COL4A1: variants seen among roughly 807,000 people sequenced by gnomAD.
COL4A1 encodes collagen alpha-1(IV) chain.
COL4A1 carries 40 observed loss-of-function variants against 216.6 expected under a neutral mutation model. The ratio of observed to expected loss-of-function variants is 0.18; its 90% CI spans 0.14 to 0.24. The LOEUF (loss-of-function observed/expected upper bound fraction) is 0.24. Ranked by LOEUF, COL4A1 falls within the 10% of genes least tolerant of loss-of-function variation. The pLI, the probability that COL4A1 is intolerant of heterozygous loss-of-function variation, is 1.00. For synonymous variants in COL4A1, 839 were observed against 810.7 expected, an observed-to-expected ratio of 1.03 and a Z score of -0.59; for missense variants, 1,628 against 2,196.8, an observed-to-expected ratio of 0.74 and a Z score of 5.18.
chr13:110,226,207 A>AT (rs1252062519), intron 2 of COL4A1, among the ~76,000 whole-genome samples: 1 of 152,210 alleles, frequency 6.6e-6, no homozygotes, highest in Admixed American at 6.5e-5. Context: ...TTTCTTGAGT[A>AT]TTTAAAAAAG....
At chr13:110,262,793 G>A (rs1271752024) in intron 1 of COL4A1, among the ~76,000 whole-genome samples, 4 of 152,190 alleles carry the variant, frequency 2.6e-5, no homozygotes, top group Non-Finnish European at 5.9e-5. Flanking sequence ...ACTTCGATGT[G>A]TTCCCCAATG....
In COL4A1 at chr13:110,176,620, C is replaced by A. The variant is rs760570181; in HGVS notation, c.2968+6G>T. 1 of 1,613,248 alleles carries A rather than the reference C, an allele frequency of 6.2e-7. No individual in the cohort carries two copies. The highest frequency in any genetic ancestry group is 2.2e-5 in the East Asian group (1 of 44,868). On this transcript the variant is annotated splice_donor_region_variant and intron_variant, in intron 35 of 51. Coordinates refer to ENST00000375820, the MANE Select transcript of COL4A1 (RefSeq NM_001845.6). ...CCACACTGGGGACCGGAGCTCCACACTGTACCTGGCTGCCCAGGCTGTCCT... is the reference window on the plus strand; with the variant it reads ...CCACACTGGGGACCGGAGCTCCACAATGTACCTGGCTGCCCAGGCTGTCCT...
chr13:110,241,902 T>C (rs56366911), intron 2 of COL4A1, among the ~76,000 whole-genome samples: 31,885 of 151,988 alleles, frequency 0.21, 3,723 homozygotes, highest in African/African-American at 0.3. Context: ...TCCTACAGAG[T>C]ATCCACTCCA....
At position 110,195,078 on chromosome 13, in the gene COL4A1, C is replaced by G. The variant is rs764944319; in HGVS notation, c.1326G>C (p.Gln442His). The G allele has an allele frequency of 1.9e-5, 30 of 1,614,162 alleles. No individual in the cohort carries two copies. The highest frequency in any genetic ancestry group is 2.5e-5 in the Non-Finnish European group (29 of 1,180,022). ...VECQPGPPGD[Q>H]GPPGIPGQPG... ...GCTGCCCTGGAATTCCAGGAGGACC[C>G]TGGTCACCTGGAGGTCCGGGCTGAC... Residue 442 changes from glutamine to histidine, a missense_variant, in exon 22 of 52, where the codon CAG (glutamine) becomes CAC (histidine). Around this residue, in one of 8 missense-constraint regions of COL4A1, gnomAD observed 701 missense variants for 892.5 expected, o/e 0.79. Coordinates refer to ENST00000375820, the MANE Select transcript of COL4A1 (RefSeq NM_001845.6).
chr13:110,217,027 G>A lies in COL4A1; in HGVS notation c.145-3012C>T, dbSNP rs576074268. Reference sequence around the variant, plus strand: ...GAAATGAAGGAGCTAAGAAGGAAGTGACTCCTCCATGGACATGGTTCTTGC... The same window carrying A: ...GAAATGAAGGAGCTAAGAAGGAAGTAACTCCTCCATGGACATGGTTCTTGC... On this transcript the variant is annotated intron_variant, in intron 2 of 51. Coordinates refer to ENST00000375820, the MANE Select transcript of COL4A1 (RefSeq NM_001845.6). 2.7e-4 allele frequency among the ~76,000 whole-genome samples: 41 copies of A among 152,294 alleles called. 1 individual carries two copies. Among genetic ancestry groups the A allele is most frequent in the Admixed American group, 2.4e-3 (37 of 15,292 alleles).
At chr13:110,281,879 A>C (rs1883646398) in intron 1 of COL4A1, among the ~76,000 whole-genome samples, 1 of 152,188 alleles carries the variant, frequency 6.6e-6, no homozygotes, top group Admixed American at 6.5e-5. Context: ...TTTCTGCAAA[A>C]GGCCCTGACA....
Position 110,222,778 on chromosome 13 carries a change from A to AG in COL4A1, c.145-8764_145-8763insC, listed in dbSNP as rs1300847259. ...ACAGAGCCAGACTCTGCTTTAAAAA[A>AG]AAAAAAAAAAAAAAAAAAAAGAATT... On this transcript the variant is annotated intron_variant, in intron 2 of 51. Coordinates refer to ENST00000375820, the MANE Select transcript of COL4A1 (RefSeq NM_001845.6). Among the ~76,000 whole-genome samples the AG allele has an allele frequency of 5.1e-5, 4 of 78,788 alleles. 1 individual carries two copies. The highest frequency in any genetic ancestry group is 1.1e-4 in the Non-Finnish European group (4 of 35,696). 51.7% of individuals were successfully genotyped at this position (78,788 alleles called of 152,430 possible). A position where few individuals can be genotyped will look rare whatever the true frequency, so the allele number is the denominator to read the frequency against.
chr13:110,210,004 C>T lies in COL4A1; in HGVS notation c.591G>A (p.Gly197=), dbSNP rs962794235. 3.1e-6 allele frequency: 5 copies of T among 1,614,152 alleles called. No individual in the cohort carries two copies. The Admixed American group carries it at 5.0e-5, about 16-fold the overall frequency. ...CTGGTGGTCCGGTAAATCCTGGAGG[C>T]CCAACAGGACCTTGAAGCCCTGGCA... ...PGLPGLQGPV[G]PPGFTGPPGP... is the part of the protein sequence containing the mutation. The change falls in exon 10 of 52, where the codon GGG becomes GGA. Residue 197 remains glycine, a synonymous_variant. Coordinates refer to ENST00000375820, the MANE Select transcript of COL4A1 (RefSeq NM_001845.6).
chr13:110,193,990 G>A (rs191186877), intron 22 of COL4A1, among the ~76,000 whole-genome samples: 53 of 152,284 alleles, frequency 3.5e-4, no homozygotes, highest in Non-Finnish European at 5.9e-5. Flanking sequence ...GAAGACAGAT[G>A]CTTCTCCTAG....
rs185711803 is a variant in COL4A1 at position 110,212,171 on chromosome 13, T to C, written c.387+246A>G. On this transcript the variant is annotated intron_variant, in intron 6 of 51. Transcript: ENST00000375820. Reference sequence around the variant, plus strand: ...TGATGTAGTAAATGATTATAGGTAATAACTTTCGTGCTTAAATGCAATTTT... The same window carrying C: ...TGATGTAGTAAATGATTATAGGTAACAACTTTCGTGCTTAAATGCAATTTT... Among the ~76,000 whole-genome samples the C allele has an allele frequency of 4.1e-3, 624 of 152,344 alleles. 1 individual carries two copies. Among genetic ancestry groups the C allele is most frequent in the South Asian group, 0.035 (167 of 4,824 alleles).
rs778888804 is a variant in COL4A1 at position 110,166,229 on chromosome 13, T to C, written c.4021+3A>G. The C allele has an allele frequency of 1.9e-6, 3 of 1,588,312 alleles. No homozygotes were observed. Among genetic ancestry groups the C allele is most frequent in the Non-Finnish European group, 2.6e-6 (3 of 1,156,328 alleles). On this transcript the variant is annotated splice_donor_region_variant and intron_variant, in intron 45 of 51. Coordinates refer to ENST00000375820, the MANE Select transcript of COL4A1 (RefSeq NM_001845.6). ...GTGTCCACAGATCAACAAACTCTCC[T>C]ACCTTTAGCTCCCGGGACGCCTTGA...
chr13:110,258,260 C>T (rs914619671), intron 1 of COL4A1, among the ~76,000 whole-genome samples: 1 of 152,180 alleles, frequency 6.6e-6, no homozygotes, highest in African/African-American at 2.4e-5. Flanking sequence ...AAATTTAAGC[C>T]GGCGCAGTGG....
In COL4A1 at chr13:110,301,863, T is replaced by C. The variant is rs192912941; in HGVS notation, c.84+5081A>G. Among the ~76,000 whole-genome samples the C allele has an allele frequency of 3.9e-5, 6 of 152,294 alleles. No homozygotes were observed. In the East Asian group the frequency reaches 9.7e-4, roughly 25 times the overall value. ...TGACAGATCCGTACCACAAAGGGAA[T>C]GCACAGCCAAGCCAAAAAGAGGGGG... On this transcript the variant is annotated intron_variant, in intron 1 of 51. Coordinates refer to ENST00000375820, the MANE Select transcript of COL4A1 (RefSeq NM_001845.6).
chr13:110,177,148 A>C, intron 33 of COL4A1, 111 bp from the exon 34 acceptor site: 6 of 1,544,588 alleles, frequency 3.9e-6, no homozygotes, highest in Non-Finnish European at 5.2e-6. Context: ...GCTACAAAGC[A>C]CTCATAACTT....
At chr13:110,168,765 G>A (rs1877461445) in intron 43 of COL4A1, among the ~76,000 whole-genome samples, 1 of 152,194 alleles carries the variant, frequency 6.6e-6, no homozygotes, top group African/African-American at 2.4e-5. Flanking sequence ...GCAGAGGTCT[G>A]TCTCAAATCC....
intron 24 of COL4A1, among the ~76,000 whole-genome samples, chr13:110,190,342 G>A (rs1878574152): frequency 6.6e-6 from 1 of 152,146 alleles, no homozygotes; most frequent in African/African-American, 2.4e-5. Flanking sequence ...GAGAAAATCT[G>A]ACACCTACGC....
At chr13:110,265,198 GA>G (rs1420493891) in intron 1 of COL4A1, 4 of 152,224 alleles carry the variant, frequency 2.6e-5, no homozygotes, top group Non-Finnish European at 5.9e-5. Flanking sequence ...AAAGGATAAA[GA>G]AAGGTAGGGA....
At chr13:110,289,791 C>T (rs1884011782) in intron 1 of COL4A1, among the ~76,000 whole-genome samples, 1 of 152,220 alleles carries the variant, frequency 6.6e-6, no homozygotes, top group Non-Finnish European at 1.5e-5. Flanking sequence ...ACATGAGATG[C>T]TCCGGATCCC....
At chr13:110,243,204 A>G (rs2139246503) in intron 1 of COL4A1, among the ~76,000 whole-genome samples, 1 of 152,372 alleles carries the variant, frequency 6.6e-6, no homozygotes, top group African/African-American at 2.4e-5. Context: ...TGTACAGAAC[A>G]GAATAAAGGA....
Sources: gnomAD v4.1 joint callset for allele counts (sites outside exome capture counted in the v4.1 genomes callset) on GRCh38, gnomAD v4.1.1 for gene constraint, gnomAD v4.1.1 regional missense constraint, MANE v1.5 for transcripts, NCBI Gene and HGNC (gene_info 2026-07-23, HGNC 2026-07-21) for gene names.